Variants in CFAP299 observed in about 807,000 individuals in gnomAD.
The protein encoded by CFAP299 is cilia and flagella associated protein 299.
CFAP299 carries 21 observed loss-of-function variants against 27.0 expected under a neutral mutation model. That is an observed-to-expected ratio of 0.78 (90% confidence interval 0.55 to 1.12). The LOEUF (loss-of-function observed/expected upper bound fraction) is 1.12, where lower values mean the gene tolerates loss of function less well. CFAP299 is among the 50% of genes most tolerant of loss of function. The probability of loss-of-function intolerance (pLI) is 0.00; values close to 1 mark genes in which losing one functional copy is unlikely to be tolerated. For synonymous variants in CFAP299, 104 were observed against 98.1 expected (o/e 1.06, Z -0.36); for missense variants, 310 against 276.6 (o/e 1.12, Z -0.86).
intron 2 of CFAP299, among the ~76,000 whole-genome samples, chr4:80,390,666 T>C (rs945536135): frequency 2.0e-5 from 3 of 146,676 alleles, no homozygotes; most frequent in African/African-American, 7.5e-5. Flanking sequence ...CATATGTATA[T>C]ATGTATACAT....
At chr4:80,448,946 TC>T (rs1225631898) in intron 2 of CFAP299, among the ~76,000 whole-genome samples, 1 of 152,170 alleles carries the variant, frequency 6.6e-6, no homozygotes, top group Non-Finnish European at 1.5e-5. Context: ...CCATCTAATC[TC>T]CTACCTCCTC....
intron 4 of CFAP299, among the ~76,000 whole-genome samples, chr4:80,888,801 A>T (rs993388087): frequency 5.3e-5 from 8 of 152,002 alleles, no homozygotes; most frequent in East Asian, 1.9e-4. Context: ...TAAAACTAGA[A>T]ATCAATAACA....
chr4:80,457,947 A>G (rs1052421749), intron 2 of CFAP299, among the ~76,000 whole-genome samples: 3 of 152,090 alleles, frequency 2.0e-5, no homozygotes, highest in African/African-American at 7.2e-5. Context: ...CCCGACGTCC[A>G]TTTCTATCCT....
intron 2 of CFAP299, among the ~76,000 whole-genome samples, chr4:80,576,631 T>C (rs1735881069): frequency 1.3e-5 from 2 of 152,190 alleles, no homozygotes; most frequent in Admixed American, 6.5e-5. Flanking sequence ...TATGTTTTCA[T>C]AGATGTGTTT....
intron 4 of CFAP299, among the ~76,000 whole-genome samples, chr4:80,901,309 A>G (rs1189797248): frequency 2.0e-5 from 3 of 152,162 alleles, no homozygotes; most frequent in Non-Finnish European, 2.9e-5. Flanking sequence ...TTCAAAATCC[A>G]TTACTGTATC....
At chr4:80,693,368 T>TA (rs1720867545) in intron 3 of CFAP299, among the ~76,000 whole-genome samples, 1 of 151,624 alleles carries the variant, frequency 6.6e-6, no homozygotes, top group Non-Finnish European at 1.5e-5. Context: ...TATGCAGCCA[T>TA]AAAAAATGAT....
Position 80,963,422 on chromosome 4 carries a change from T to C in CFAP299, c.607-95T>C, listed in dbSNP as rs544700443. The C allele has an allele frequency of 1.3e-5, 9 of 707,498 alleles. No homozygotes were observed. The African/African-American group carries it at 1.7e-4, about 13-fold the overall frequency. The allele number at this position is 707,498 out of a possible 1,614,324, so 43.8% of individuals were successfully genotyped here. A position where few individuals can be genotyped will look rare whatever the true frequency, so the allele number is the denominator to read the frequency against. On this transcript the variant is annotated intron_variant, in intron 5 of 5. Coordinates refer to ENST00000358105, the MANE Select transcript of CFAP299 (RefSeq NM_152770.3). ...GTGGAAACAAACTTGCTAGTTTTTT[T>C]TTCTGCAATATAAAGCAAAAAAATA... is the stretch of plus-strand genomic sequence containing the variant.
chr4:80,561,265 G>T (rs1459850020), intron 2 of CFAP299, among the ~76,000 whole-genome samples: 1 of 152,138 alleles, frequency 6.6e-6, no homozygotes, highest in Non-Finnish European at 1.5e-5. Flanking sequence ...TGGACTTGGG[G>T]TGCCCCCTAA....
At chr4:80,587,678 G>A (rs545610030) in intron 3 of CFAP299, among the ~76,000 whole-genome samples, 191 of 152,154 alleles carry the variant, frequency 1.3e-3, no homozygotes, top group African/African-American at 4.1e-3. Flanking sequence ...CTGCAGCCAA[G>A]ATCTCCTGGG....
At chr4:80,522,332 G>A (rs761244972) in intron 2 of CFAP299, among the ~76,000 whole-genome samples, 10 of 151,526 alleles carry the variant, frequency 6.6e-5, no homozygotes, top group African/African-American at 2.2e-4. Flanking sequence ...ACCCCTTTGC[G>A]CATTTTTAAA....
At chr4:80,356,215 AG>A (rs1723274789) in intron 1 of CFAP299, among the ~76,000 whole-genome samples, 1 of 152,038 alleles carries the variant, frequency 6.6e-6, no homozygotes, top group South Asian at 2.1e-4. Context: ...TTTTTGTACC[AG>A]TACCATGCTG....
intron 2 of CFAP299, among the ~76,000 whole-genome samples, chr4:80,412,070 G>C (rs1254855178): frequency 6.6e-6 from 1 of 152,150 alleles, no homozygotes; most frequent in Admixed American, 6.5e-5. Context: ...GAGAGGTTAA[G>C]TACCTTACAT....
the CFAP299 span, among the ~76,000 whole-genome samples, chr4:80,326,826 AGT>A: frequency 6.6e-6 from 1 of 152,342 alleles, no homozygotes; most frequent in East Asian, 1.9e-4. Flanking sequence ...GTTGTTTATA[AGT>A]GTATCTATAA....
rs149198216 is a variant in CFAP299, at chr4:80,924,291, C to T, written c.477-20519C>T. On this transcript the variant is annotated intron_variant, in intron 4 of 5. Transcript: ENST00000358105. The stretch of plus-strand genomic sequence containing the variant: ...TTCATATTTTACTTTTGGCTATGGC[C>T]CACTAAATTGATCTTACAGTTCAAA... Among the ~76,000 whole-genome samples the T allele has an allele frequency of 1.5e-4, 22 of 151,660 alleles. No individual in the cohort carries two copies. In the East Asian group the frequency reaches 4.3e-3, roughly 29 times the overall value.
At chr4:80,863,036 G>A (rs1732479600) in intron 3 of CFAP299, among the ~76,000 whole-genome samples, 2 of 152,082 alleles carry the variant, frequency 1.3e-5, no homozygotes, top group South Asian at 4.1e-4. Flanking sequence ...GCGCATTCAA[G>A]AGATTTAAAA....
At chr4:80,844,590 T>G (rs1200511296) in intron 3 of CFAP299, among the ~76,000 whole-genome samples, 1 of 151,864 alleles carries the variant, frequency 6.6e-6, no homozygotes, top group Non-Finnish European at 1.5e-5. Flanking sequence ...CGCCCACTTT[T>G]TGATGGGGTT....
intron 3 of CFAP299, among the ~76,000 whole-genome samples, chr4:80,810,870 A>G (rs1206371521): frequency 1.3e-5 from 2 of 152,096 alleles, no homozygotes; most frequent in African/African-American, 4.8e-5. Context: ...CACTGATTAA[A>G]TCACTCCAGC....
intron 2 of CFAP299, among the ~76,000 whole-genome samples, chr4:80,510,665 G>C (rs994420460): frequency 6.6e-6 from 1 of 152,154 alleles, no homozygotes; most frequent in Non-Finnish European, 1.5e-5. Flanking sequence ...TCATGAGTTA[G>C]TACAGGGATC....
At chr4:80,911,024 C>G (rs985822247) in intron 4 of CFAP299, among the ~76,000 whole-genome samples, 1 of 151,964 alleles carries the variant, frequency 6.6e-6, no homozygotes, top group African/African-American at 2.4e-5. Flanking sequence ...GGCTCTCAGT[C>G]TCTCAACTCA....
Sources: allele counts gnomAD v4.1 joint callset (sites outside exome capture counted in the v4.1 genomes callset), GRCh38; gene constraint gnomAD v4.1.1; transcripts MANE v1.5; gene names NCBI Gene and HGNC (gene_info 2026-07-23, HGNC 2026-07-21).